Variants in FARP1 observed in about 807,000 individuals in gnomAD.
FARP1 encodes FERM, ARHGEF and pleckstrin domain-containing protein 1.
In FARP1, 52 loss-of-function variants were observed where a neutral mutation model predicts 128.8. The observed-to-expected ratio is 0.40, with a 90% CI of 0.32 to 0.51. The LOEUF (loss-of-function observed/expected upper bound fraction) is 0.51. Ranked by LOEUF, FARP1 falls within the 20% of genes least tolerant of loss-of-function variation. The pLI is 0.45. For missense variants in FARP1, 1,333 were observed against 1,367.9 expected, an observed-to-expected ratio of 0.97 and a Z score of 0.40; for synonymous variants, 580 against 551.8, an observed-to-expected ratio of 1.05 and a Z score of -0.72.
intron 2 of FARP1, among the ~76,000 whole-genome samples, chr13:98,226,555 C>T (rs1358860712): frequency 6.6e-6 from 1 of 150,942 alleles, no homozygotes; most frequent in Admixed American, 6.6e-5. Context: ...TTTTAACAAA[C>T]CGTTTGAAAA....
chr13:98,390,245 A>G, intron 10 of FARP1, 125 bp downstream of exon 10: 1 of 1,030,208 alleles, frequency 9.7e-7, no homozygotes, highest in Non-Finnish European at 1.4e-6. Context: ...GCTATGGCCA[A>G]GCGGGGGCGC....
chr13:98,360,090 CTTTTTTTTTTT>C (rs55859311), intron 3 of FARP1, among the ~76,000 whole-genome samples: 3 of 104,610 alleles, frequency 2.9e-5, no homozygotes, highest in East Asian at 3.3e-4. Flanking sequence ...GATTGTGTTG[CTTTTTTTTTTT>C]TTTTTTTTTT....
Position 98,273,403 on chromosome 13 carries a change from T to G in FARP1, c.171+59990T>G, listed in dbSNP as rs143636613. ...AATCTTATGATCTCTAGTTTAACAT[T>G]AATGCTGGTCAGTTGTGCCTAAACT... On this transcript the variant is annotated intron_variant, in intron 2 of 26. Coordinates refer to ENST00000319562, the MANE Select transcript of FARP1 (RefSeq NM_005766.4). Among the ~76,000 whole-genome samples the G allele has an allele frequency of 7.7e-4, 118 of 152,334 alleles. 2 individuals are homozygous for G. In the East Asian group the frequency reaches 0.021, roughly 27 times the overall value.
intron 1 of FARP1, among the ~76,000 whole-genome samples, chr13:98,180,375 C>G (rs1878421347): frequency 6.6e-6 from 1 of 152,122 alleles, no homozygotes; most frequent in East Asian, 1.9e-4. Context: ...GGCATCCACC[C>G]CCATGATCCA....
intron 19 of FARP1, among the ~76,000 whole-genome samples, chr13:98,437,238 T>C (rs1008670959): frequency 1.3e-5 from 2 of 152,218 alleles, no homozygotes; most frequent in African/African-American, 4.8e-5. Flanking sequence ...GATCAGGTGA[T>C]GATGGGCAAG....
At chr13:98,328,589 A>G (rs1323313594) in intron 2 of FARP1, 4 of 152,026 alleles carry the variant, frequency 2.6e-5, no homozygotes, top group African/African-American at 9.7e-5. Context: ...TCAGCACATG[A>G]CTCTTTTTCT....
chr13:98,327,688 T>C (rs1887294622), intron 2 of FARP1, among the ~76,000 whole-genome samples: 1 of 152,182 alleles, frequency 6.6e-6, no homozygotes, highest in South Asian at 2.1e-4. Flanking sequence ...CCTGAAGCCA[T>C]GGATAGTACC....
chr13:98,252,070 A>G (rs1353047544), intron 2 of FARP1, among the ~76,000 whole-genome samples: 1 of 152,126 alleles, frequency 6.6e-6, no homozygotes, highest in Admixed American at 6.6e-5. Context: ...CTGGTCTCAA[A>G]CTCCTGACTT....
At chr13:98,431,463 T>A in intron 18 of FARP1, 183 bp downstream of exon 18, 4 of 121,858 alleles carry the variant, frequency 3.3e-5, no homozygotes, top group East Asian at 1.4e-4. Flanking sequence ...ACATCTTGAT[T>A]TTTTTTTTTT....
intron 1 of FARP1, among the ~76,000 whole-genome samples, chr13:98,151,660 C>CTTTTTTTTTTTTT (rs34250002): frequency 0.075 from 5,182 of 69,066 alleles, 1,667 homozygotes; most frequent in East Asian, 0.095. Flanking sequence ...TATCTTCCAT[C>CTTTTTTTTTTTTT]TTTTTTTTTT....
At chr13:98,270,454 C>A (rs951664145) in intron 2 of FARP1, among the ~76,000 whole-genome samples, 1 of 152,048 alleles carries the variant, frequency 6.6e-6, no homozygotes, top group African/African-American at 2.4e-5. Flanking sequence ...ATTGTAGGGT[C>A]CTGGTTTTTA....
chr13:98,355,208 G>C (rs1283273943), intron 3 of FARP1, among the ~76,000 whole-genome samples: 1 of 151,988 alleles, frequency 6.6e-6, no homozygotes, highest in South Asian at 2.1e-4. Context: ...AGCCAGGCAT[G>C]GTGGCTCACA....
intron 2 of FARP1, among the ~76,000 whole-genome samples, chr13:98,267,831 G>A (rs1424955692): frequency 1.3e-5 from 2 of 151,944 alleles, no homozygotes; most frequent in South Asian, 2.1e-4. Context: ...ACTCACTTTT[G>A]GTTAACCTGC....
At position 98,373,533 on chromosome 13, in the gene FARP1, G is replaced by GACACACACACACACAC. The variant is rs58658962; in HGVS notation, c.399-4254_399-4239dup. Among the ~76,000 whole-genome samples the GACACACACACACACAC allele has an allele frequency of 9.3e-3, 1,225 of 131,026 alleles. 14 individuals carry two copies. The highest frequency in any genetic ancestry group is 0.029 in the Middle Eastern group (7 of 240). The allele number at this position is 131,026 out of a possible 152,430, so 86.0% of individuals were successfully genotyped here. On this transcript the variant is annotated intron_variant, in intron 5 of 26. Coordinates refer to ENST00000319562, the MANE Select transcript of FARP1 (RefSeq NM_005766.4). ...TTGACTTTCCAGAGACAGACAGACA[G>GACACACACACACACAC]ACACACACACACACACACACACACA...
rs951812420 is a variant in FARP1 at position 98,251,649 on chromosome 13, C to T, written c.171+38236C>T. ...AGTAAGCTGAGATCACGCCATTGCA[C>T]TCCAGCCTGAGTGACAGAGTGAGAC... On this transcript the variant is annotated intron_variant, in intron 2 of 26. Transcript: ENST00000319562. Among the ~76,000 whole-genome samples, 98 of 150,176 alleles carry T rather than the reference C, an allele frequency of 6.5e-4. 1 individual carries two copies. The highest frequency in any genetic ancestry group is 2.0e-3 in the Admixed American group (30 of 15,022).
chr13:98,368,054 T>C, intron 4 of FARP1, 63 bp from the exon 5 acceptor site: 1 of 1,315,290 alleles, frequency 7.6e-7, no homozygotes, highest in South Asian at 1.2e-5. Flanking sequence ...AAAGTCTTTT[T>C]CTTTAATGGC....
chr13:98,424,894 T>G (rs201468871), intron 17 of FARP1, among the ~76,000 whole-genome samples: 222 of 97,420 alleles, frequency 2.3e-3, no homozygotes, highest in African/African-American at 7.5e-3. Context: ...GATTTTGGGG[T>G]TTTTTTTTTT....
intron 17 of FARP1, among the ~76,000 whole-genome samples, chr13:98,426,083 C>A (rs1336988092): frequency 6.6e-6 from 1 of 152,206 alleles, no homozygotes; most frequent in African/African-American, 2.4e-5. Context: ...CCAGTGCTAA[C>A]TGAGCACCTA....
intron 2 of FARP1, among the ~76,000 whole-genome samples, chr13:98,301,146 A>G (rs1885906435): frequency 1.3e-5 from 2 of 152,176 alleles, no homozygotes; most frequent in Admixed American, 6.5e-5. Flanking sequence ...TGCCCCCAAC[A>G]AAGGAACACC....
Sources: allele counts gnomAD v4.1 joint callset (sites outside exome capture counted in the v4.1 genomes callset), GRCh38; gene constraint gnomAD v4.1.1; transcripts MANE v1.5; gene names NCBI Gene and HGNC (gene_info 2026-07-23, HGNC 2026-07-21).